The following MLXIPL variants were observed in gnomAD, a reference collection of about 807,000 sequenced individuals.
The protein encoded by MLXIPL is carbohydrate-responsive element-binding protein.
A neutral mutation model predicts 81.5 loss-of-function variants in MLXIPL; 49 were observed. The observed-to-expected ratio is 0.60, with a 90% CI of 0.48 to 0.76. The LOEUF (loss-of-function observed/expected upper bound fraction) is 0.76. Among genes scored for constraint, MLXIPL ranks in the 30% least tolerant of loss-of-function variants. The pLI, the probability that MLXIPL is intolerant of heterozygous loss-of-function variation, is 0.00. For synonymous variants in MLXIPL, 466 were observed against 485.5 expected, an observed-to-expected ratio of 0.96 and a Z score of 0.53; for missense variants, 1,053 against 1,167.0, an observed-to-expected ratio of 0.90 and a Z score of 1.42.
chr7:73,599,765 A>G, intron 7 of MLXIPL, 70 bp from the exon 8 acceptor site: 1 of 1,486,858 alleles, frequency 6.7e-7, no homozygotes, highest in African/African-American at 1.4e-5. Flanking sequence ...CTGAGAGGAG[A>G]GTGGCCTGTC....
chr7:73,605,540 C>G, intron 7 of MLXIPL, 148 bp downstream of exon 7: 3 of 723,336 alleles, frequency 4.1e-6, no homozygotes, highest in Non-Finnish European at 6.8e-6. Context: ...AGTGAGATGC[C>G]ATCTCAAAAT....
In MLXIPL at chr7:73,607,439, G is replaced by C. The variant is rs2463301; in HGVS notation, c.484-19C>G. ...CCACGGCCTGGGGTAGGGGCCGGGG[G>C]AGGGGGATCAGTAGAGAGGGGAGCA... On this transcript the variant is annotated intron_variant, in intron 3 of 16. Coordinates refer to ENST00000313375, the MANE Select transcript of MLXIPL (RefSeq NM_032951.3). 1 of 1,548,740 alleles carries C rather than the reference G, an allele frequency of 6.5e-7. No individual in the cohort carries two copies. The highest frequency in any genetic ancestry group is 1.2e-5 in the South Asian group (1 of 84,276).
At chr7:73,643,311 G>A in the MLXIPL span, among the ~76,000 whole-genome samples, 2 of 152,074 alleles carry the variant, frequency 1.3e-5, no homozygotes, top group African/African-American at 2.4e-5. Flanking sequence ...TCAGGAGATC[G>A]AGACCAGCCT....
At chr7:73,643,622 T>G in the MLXIPL span, among the ~76,000 whole-genome samples, 1 of 152,140 alleles carries the variant, frequency 6.6e-6, no homozygotes, top group Admixed American at 6.6e-5. Context: ...AGCCCAAGTA[T>G]GTCTTTCTGC....
rs1554598561 is a variant in MLXIPL, at chr7:73,607,343, G to A, written c.561C>T (p.Tyr187=). ...VMREYHKWRI[Y]YKKRLRKPSR... ...CTCCCCCACTGACCCGCTTCTTGTA[G>A]TAGATGCGCCACTTGTGGTATTCCC... Residue 187 remains tyrosine, a synonymous_variant, in exon 4 of 17, where the codon TAC becomes TAT. Coordinates refer to ENST00000313375, the MANE Select transcript of MLXIPL (RefSeq NM_032951.3). The A allele has an allele frequency of 1.3e-6, 2 of 1,565,592 alleles. No homozygotes were observed. The highest frequency in any genetic ancestry group is 1.7e-6 in the Non-Finnish European group (2 of 1,154,640).
At chr7:73,647,870 C>A in the MLXIPL span, among the ~76,000 whole-genome samples, 1 of 150,762 alleles carries the variant, frequency 6.6e-6, no homozygotes, top group Non-Finnish European at 1.5e-5. Context: ...CGCCGGACCG[C>A]GCCCGGCGCC....
At chr7:73,618,380 A>G (rs1796122161) in intron 1 of MLXIPL, among the ~76,000 whole-genome samples, 1 of 152,206 alleles carries the variant, frequency 6.6e-6, no homozygotes. Context: ...GACAGGCGTG[A>G]GCCACCGCAC....
In MLXIPL at chr7:73,597,682, G is replaced by A; in HGVS notation, c.1103C>T (p.Ser368Phe). ...GAAATCAGAACTCAGGAAGGCGCTG[G>A]AGTCCAAGGGGCCAGGGCAGCTGTT... ...ARNSCPGPLD[S>F]SAFLSSDFLL... The change falls in exon 9 of 17, where the codon TCC becomes TTC. Residue 368 changes from serine to phenylalanine, a missense_variant. Physicochemically the swap from Ser to Phe is radical, Grantham distance 155. Coordinates refer to ENST00000313375, the MANE Select transcript of MLXIPL (RefSeq NM_032951.3). 1 of 1,375,178 alleles carries A rather than the reference G, an allele frequency of 7.3e-7. No individual in the cohort carries two copies. Among genetic ancestry groups the A allele is most frequent in the Non-Finnish European group, 9.4e-7 (1 of 1,068,864 alleles). The allele number at this position is 1,375,178 out of a possible 1,614,324, so 85.2% of individuals were successfully genotyped here.
At chr7:73,640,402 C>G in the MLXIPL span, among the ~76,000 whole-genome samples, 1 of 82,254 alleles carries the variant, frequency 1.2e-5, no homozygotes, top group African/African-American at 4.7e-5. Flanking sequence ...ACCCTGTCTC[C>G]AAAAAAAAAA....
chr7:73,643,280 C>T, the MLXIPL span, among the ~76,000 whole-genome samples: 3 of 151,916 alleles, frequency 2.0e-5, no homozygotes, highest in East Asian at 1.9e-4. Context: ...ATTGGGAGGC[C>T]GAGGCGGGCG....
Position 73,593,657 on chromosome 7 carries a change from G to C in MLXIPL, c.*208C>G. The C allele has an allele frequency of 1.8e-6, 1 of 568,392 alleles. No individual in the cohort carries two copies. The highest frequency in any genetic ancestry group is 3.2e-6 in the Non-Finnish European group (1 of 313,874). The allele number at this position is 568,392 out of a possible 1,614,324, so 35.2% of individuals were successfully genotyped here. On this transcript the variant is annotated 3_prime_UTR_variant, in exon 17 of 17. Coordinates refer to ENST00000313375, the MANE Select transcript of MLXIPL (RefSeq NM_032951.3). ...AGTCACCCAAGGTCACGGTGCTGGA[G>C]CACAGTGGCAGAGCAGGGACGGGGA...
At position 73,597,533 on chromosome 7, in the gene MLXIPL, T is replaced by C. The variant is rs921113235; in HGVS notation, c.1252A>G (p.Met418Val). 3.9e-5 allele frequency: 39 copies of C among 1,007,946 alleles called. No individual in the cohort carries two copies. Among genetic ancestry groups the C allele is most frequent in the East Asian group, 1.9e-4 (2 of 10,666 alleles). The allele number at this position is 1,007,946 out of a possible 1,614,324, so 62.4% of individuals were successfully genotyped here. A position where few individuals can be genotyped will look rare whatever the true frequency, so the allele number is the denominator to read the frequency against. ...EPCPPPPFPPMAPPTALLQEE... is the reference protein window; with the variant it reads ...EPCPPPPFPPVAPPTALLQEE... ...TGCAGCAAAGCAGTGGGTGGTGCCATGGGAGGGAAGGGAGGTGGGGGGCAG... is the reference window on the plus strand; with the variant it reads ...TGCAGCAAAGCAGTGGGTGGTGCCACGGGAGGGAAGGGAGGTGGGGGGCAG... The change falls in exon 9 of 17, where the codon ATG (methionine) becomes GTG (valine). Residue 418 changes from methionine (M) to valine (V), a missense_variant. This residue lies in a region of MLXIPL where 823 missense variants were observed against 933.0 expected (regional missense o/e 0.88). Transcript: ENST00000313375.
the MLXIPL span, among the ~76,000 whole-genome samples, chr7:73,639,669 A>C: frequency 6.6e-6 from 1 of 152,280 alleles, no homozygotes; most frequent in East Asian, 1.9e-4. Context: ...AAGTGAATTA[A>C]TACCTGCAAA....
At chr7:73,641,279 T>G in the MLXIPL span, among the ~76,000 whole-genome samples, 1 of 152,106 alleles carries the variant, frequency 6.6e-6, no homozygotes, top group Non-Finnish European at 1.5e-5. Context: ...TAAGGGACTT[T>G]CCTCTTTCCC....
chr7:73,624,670 T>G, upstream of MLXIPL: 1 of 1,251,564 alleles, frequency 8.0e-7, no homozygotes, highest in Non-Finnish European at 1.0e-6. Flanking sequence ...GAGAACCCGG[T>G]GCTCTGGAGC....
the MLXIPL span, among the ~76,000 whole-genome samples, chr7:73,647,847 G>C: frequency 8.8e-4 from 133 of 150,820 alleles, no homozygotes; most frequent in African/African-American, 2.9e-3. Flanking sequence ...GGCGCTGCGG[G>C]GATGCTTGGG....
At chr7:73,636,132 G>A in the MLXIPL span, among the ~76,000 whole-genome samples, 2 of 152,214 alleles carry the variant, frequency 1.3e-5, no homozygotes, top group Non-Finnish European at 2.9e-5. Flanking sequence ...AGTGGAGGCC[G>A]GGCACCGTGG....
At chr7:73,628,586 C>G (rs1554604112), upstream of MLXIPL, among the ~76,000 whole-genome samples, 1 of 152,144 alleles carries the variant, frequency 6.6e-6, no homozygotes, top group Non-Finnish European at 1.5e-5. Context: ...GCCTCAAACT[C>G]CTGGGCCAAA....
chr7:73,632,432 A>G, the MLXIPL span, among the ~76,000 whole-genome samples: 9 of 152,194 alleles, frequency 5.9e-5, no homozygotes, highest in Non-Finnish European at 1.3e-4. Context: ...TGAAAACGAA[A>G]CCGACTTTGC....
Sources: allele counts gnomAD v4.1 joint callset (sites outside exome capture counted in the v4.1 genomes callset), GRCh38; gene constraint gnomAD v4.1.1; regional missense constraint gnomAD v4.1.1; transcripts MANE v1.5; gene names NCBI Gene and HGNC (gene_info 2026-07-23, HGNC 2026-07-21).